TAFA1: variants seen among roughly 807,000 people sequenced by gnomAD.
TAFA1 encodes TAFA chemokine like family member 1.
Under a neutral mutation model 18.5 loss-of-function variants are expected in TAFA1, and 4 were observed. The ratio of observed to expected loss-of-function variants is 0.22; its 90% CI spans 0.11 to 0.49. TAFA1 has a LOEUF of 0.49. TAFA1 is among the 20% of genes least tolerant of loss of function. TAFA1 has a pLI of 0.98. For synonymous variants in TAFA1, 56 were observed against 55.2 expected, an observed-to-expected ratio of 1.01 and a Z score of -0.06; for missense variants, 147 against 169.0, an observed-to-expected ratio of 0.87 and a Z score of 0.72.
At chr3:68,512,992 G>T (rs2072872308) in intron 3 of TAFA1, among the ~76,000 whole-genome samples, 1 of 152,072 alleles carries the variant, frequency 6.6e-6, no homozygotes. Context: ...ACATGTCATG[G>T]ATGGAGGTCC....
chr3:68,241,416 A>C (rs1054077853), intron 2 of TAFA1, among the ~76,000 whole-genome samples: 1 of 152,156 alleles, frequency 6.6e-6, no homozygotes, highest in Non-Finnish European at 1.5e-5. Context: ...AGGAGACTCA[A>C]CATATAATGG....
chr3:68,316,537 T>C (rs1383344106), intron 2 of TAFA1, among the ~76,000 whole-genome samples: 1 of 152,226 alleles, frequency 6.6e-6, no homozygotes. Context: ...TTCTCTCTTT[T>C]TTCTTGGCAT....
intron 2 of TAFA1, among the ~76,000 whole-genome samples, chr3:68,170,986 C>T (rs895037115): frequency 3.3e-5 from 5 of 152,026 alleles, no homozygotes; most frequent in Admixed American, 2.0e-4. Flanking sequence ...AACAATAAGC[C>T]CTGGGGAAGT....
chr3:68,015,327 C>A (rs1332594767), intron 2 of TAFA1, among the ~76,000 whole-genome samples: 1 of 147,480 alleles, frequency 6.8e-6, no homozygotes, highest in East Asian at 2.0e-4. Flanking sequence ...GCTCTTGTTG[C>A]CTAGGCTGGA....
intron 2 of TAFA1, among the ~76,000 whole-genome samples, chr3:68,187,891 T>G (rs2107004633): frequency 6.6e-6 from 1 of 152,122 alleles, no homozygotes; most frequent in Middle Eastern, 3.4e-3. Flanking sequence ...CGGCTTTAAT[T>G]TGCATTTTGT....
chr3:68,430,213 C>T (rs533685963), intron 3 of TAFA1, among the ~76,000 whole-genome samples: 37 of 151,948 alleles, frequency 2.4e-4, no homozygotes, highest in African/African-American at 8.7e-4. Context: ...AGAAGACTTC[C>T]GTGAAGACGT....
At chr3:68,156,235 C>G (rs186131846) in intron 2 of TAFA1, among the ~76,000 whole-genome samples, 2 of 152,276 alleles carry the variant, frequency 1.3e-5, no homozygotes, top group East Asian at 3.9e-4. Context: ...ACTCTTAAAC[C>G]AGCAGTCAGG....
chr3:68,119,841 G>A lies in TAFA1; in HGVS notation c.118+113097G>A, dbSNP rs983921028. 3.9e-5 allele frequency among the ~76,000 whole-genome samples: 6 copies of A among 152,116 alleles called. No individual in the cohort carries two copies. The South Asian group carries it at 6.2e-4, about 16-fold the overall frequency. Reference sequence around the variant, plus strand: ...AACCTTTTTCTTCTTTTTCAAGATTGTTTTGGCTATTTGGGTTTCCCATAC... The same window carrying A: ...AACCTTTTTCTTCTTTTTCAAGATTATTTTGGCTATTTGGGTTTCCCATAC... On this transcript the variant is annotated intron_variant, in intron 2 of 4. Coordinates refer to ENST00000478136, the MANE Select transcript of TAFA1 (RefSeq NM_213609.4).
At chr3:68,080,404 A>G (rs1337238907) in intron 2 of TAFA1, among the ~76,000 whole-genome samples, 1 of 150,132 alleles carries the variant, frequency 6.7e-6, no homozygotes, top group Non-Finnish European at 1.5e-5. Context: ...GTTTCTTCCT[A>G]GTCTCGATGG....
chr3:68,396,127 C>T (rs939691087), intron 2 of TAFA1, among the ~76,000 whole-genome samples: 1 of 151,874 alleles, frequency 6.6e-6, no homozygotes, highest in Non-Finnish European at 1.5e-5. Flanking sequence ...TGATTTTGGT[C>T]ATTTGGTTTT....
chr3:68,345,110 T>C (rs2069144489), intron 2 of TAFA1, among the ~76,000 whole-genome samples: 1 of 151,952 alleles, frequency 6.6e-6, no homozygotes, highest in South Asian at 2.1e-4. Context: ...ATATGGAGTG[T>C]AACAAAATGT....
chr3:68,403,564 T>C (rs1324526603), intron 2 of TAFA1, among the ~76,000 whole-genome samples: 1 of 152,224 alleles, frequency 6.6e-6, no homozygotes, highest in African/African-American at 2.4e-5. Flanking sequence ...GGCTGGAAAT[T>C]GTGACACATA....
chr3:68,377,210 G>C (rs2069836382), intron 2 of TAFA1, among the ~76,000 whole-genome samples: 1 of 152,164 alleles, frequency 6.6e-6, no homozygotes. Flanking sequence ...CTTTGGAACT[G>C]GGTAATGGGC....
At chr3:68,065,074 C>G (rs1327531383) in intron 2 of TAFA1, among the ~76,000 whole-genome samples, 1 of 152,010 alleles carries the variant, frequency 6.6e-6, no homozygotes, top group Non-Finnish European at 1.5e-5. Context: ...TTAATTTTGA[C>G]TGTATATTCA....
chr3:68,265,720 G>A (rs1270747891), intron 2 of TAFA1, among the ~76,000 whole-genome samples: 2 of 152,160 alleles, frequency 1.3e-5, no homozygotes, highest in Non-Finnish European at 2.9e-5. Context: ...ACTGGCGCAA[G>A]ATACTCAGAT....
intron 3 of TAFA1, among the ~76,000 whole-genome samples, chr3:68,476,579 G>A (rs2072100500): frequency 6.6e-6 from 1 of 152,120 alleles, no homozygotes; most frequent in African/African-American, 2.4e-5. Context: ...CCTAATAATT[G>A]TCATTTTTCA....
intron 2 of TAFA1, among the ~76,000 whole-genome samples, chr3:68,158,044 G>C (rs1408160195): frequency 6.6e-6 from 1 of 152,110 alleles, no homozygotes; most frequent in Admixed American, 6.6e-5. Context: ...ATTAAAATCT[G>C]TGATGAGGCT....
intron 3 of TAFA1, among the ~76,000 whole-genome samples, chr3:68,448,061 G>A (rs977428484): frequency 1.3e-5 from 2 of 152,158 alleles, no homozygotes; most frequent in Non-Finnish European, 2.9e-5. Context: ...TGCAGTTGGT[G>A]GAGGGTGTGA....
chr3:68,423,095 C>T (rs916988352), intron 3 of TAFA1, among the ~76,000 whole-genome samples: 9 of 151,854 alleles, frequency 5.9e-5, no homozygotes, highest in East Asian at 3.9e-4. Flanking sequence ...TATGAAGTTA[C>T]GTTCTATGAT....
Sources: gnomAD v4.1 joint callset for allele counts (sites outside exome capture counted in the v4.1 genomes callset) on GRCh38, gnomAD v4.1.1 for gene constraint, MANE v1.5 for transcripts, NCBI Gene and HGNC (gene_info 2026-07-23, HGNC 2026-07-21) for gene names.